EEF1AKMT1: variants seen among roughly 807,000 people sequenced by gnomAD.
EEF1AKMT1 encodes the protein N-6 adenine-specific DNA methyltransferase 2 (putative).
EEF1AKMT1 carries 18 observed loss-of-function variants against 21.0 expected under a neutral mutation model. The observed-to-expected ratio is 0.86, with a 90% CI of 0.59 to 1.27. The LOEUF (loss-of-function observed/expected upper bound fraction) is 1.27. EEF1AKMT1 is among the 50% of genes most tolerant of loss of function. The pLI is 0.00. For missense variants in EEF1AKMT1, 246 were observed against 258.6 expected, an observed-to-expected ratio of 0.95 and a Z score of 0.33; for synonymous variants, 109 against 94.8, an observed-to-expected ratio of 1.15 and a Z score of -0.87.
At chr13:20,744,283 T>C (rs1353451224) in intron 2 of EEF1AKMT1, among the ~76,000 whole-genome samples, 2 of 152,232 alleles carry the variant, frequency 1.3e-5, no homozygotes, top group East Asian at 3.8e-4. Context: ...ATGGTTGAAC[T>C]AATTTACACT....
At chr13:20,729,407 T>C (rs2058778713) in intron 4 of EEF1AKMT1, among the ~76,000 whole-genome samples, 191 bp from the exon 5 acceptor site, 1 of 152,064 alleles carries the variant, frequency 6.6e-6, no homozygotes, top group Non-Finnish European at 1.5e-5. Flanking sequence ...TTACCAACTT[T>C]TTTCCATGTC....
intron 2 of EEF1AKMT1, among the ~76,000 whole-genome samples, 155 bp from the exon 3 acceptor site, chr13:20,737,960 T>A (rs2141414975): frequency 6.6e-6 from 1 of 152,366 alleles, no homozygotes; most frequent in Middle Eastern, 3.4e-3. Flanking sequence ...AGTTTTTCTT[T>A]TGAAAATTAA....
intron 1 of EEF1AKMT1, among the ~76,000 whole-genome samples, chr13:20,760,123 A>AAAAAAAAAAAAAG (rs1555327133): frequency 1.6e-5 from 2 of 127,468 alleles, no homozygotes; most frequent in African/African-American, 6.0e-5. Context: ...AAAAAAAAAA[A>AAAAAAAAAAAAAG]AAGTCAAAAA....
intron 1 of EEF1AKMT1, among the ~76,000 whole-genome samples, chr13:20,764,000 TTC>T (rs1030150485): frequency 6.6e-6 from 1 of 152,190 alleles, no homozygotes; most frequent in Non-Finnish European, 1.5e-5. Context: ...AATTTCTGTT[TTC>T]TCTTTTTTCT....
chr13:20,741,722 G>T (rs1391054354), intron 2 of EEF1AKMT1, among the ~76,000 whole-genome samples: 1 of 151,978 alleles, frequency 6.6e-6, no homozygotes, highest in African/African-American at 2.4e-5. Flanking sequence ...CCAAAGTGCT[G>T]GGATTACAGG....
chr13:20,747,680 G>T (rs1046694630), intron 2 of EEF1AKMT1: 1 of 152,362 alleles, frequency 6.6e-6, no homozygotes, highest in African/African-American at 2.4e-5. Flanking sequence ...GGCCAGGCTG[G>T]TCTTAAACTC....
intron 4 of EEF1AKMT1, 114 bp from the exon 5 acceptor site, chr13:20,729,330 T>A: frequency 8.2e-7 from 1 of 1,217,548 alleles, no homozygotes; most frequent in Non-Finnish European, 1.2e-6. Context: ...AGTTGACAAT[T>A]CACAAGTGGG....
At chr13:20,766,119 G>A (rs2059030179) in intron 1 of EEF1AKMT1, among the ~76,000 whole-genome samples, 1 of 151,734 alleles carries the variant, frequency 6.6e-6, no homozygotes, top group Non-Finnish European at 1.5e-5. Context: ...CCAACATGGT[G>A]AAACCCCATC....
chr13:20,738,319 G>A (rs942699793), intron 2 of EEF1AKMT1, among the ~76,000 whole-genome samples: 13 of 152,186 alleles, frequency 8.5e-5, no homozygotes, highest in Non-Finnish European at 1.3e-4. Context: ...TCCCTTGGGG[G>A]CAAGTTTGTT....
rs149916049 is a variant in EEF1AKMT1 at position 20,744,399 on chromosome 13, G to A, written c.145-6594C>T. ...TCTAACTGGAGTGAGATGGTATCTC[G>A]TTGTGGTTTTGATTTGCATTTCTCT... On this transcript the variant is annotated intron_variant, in intron 2 of 4. Transcript: ENST00000382758. Among the ~76,000 whole-genome samples the A allele has an allele frequency of 3.0e-3, 452 of 152,206 alleles. 1 individual carries two copies. The highest frequency in any genetic ancestry group is 0.01 in the African/African-American group (436 of 41,532).
chr13:20,732,018 A>C lies in EEF1AKMT1; in HGVS notation c.331T>G (p.Tyr111Asp). 1 of 1,614,232 alleles carries C rather than the reference A, an allele frequency of 6.2e-7. No individual in the cohort carries two copies. The highest frequency in any genetic ancestry group is 1.7e-5 in the Admixed American group (1 of 60,028). The change falls in exon 4 of 5, where the codon TAT (tyrosine) becomes GAT (aspartate). Residue 111 changes from tyrosine (Y) to aspartate (D), a missense_variant. Transcript: ENST00000382758. ...IFEYDKRFAM[Y>D]GEEFIFYDYN... ...TCATAGAAAATAAACTCCTCTCCAT[A>C]CATGGCAAATCTTTTGTCATATTCA...
chr13:20,739,326 G>C (rs528636543), intron 2 of EEF1AKMT1, among the ~76,000 whole-genome samples: 59 of 152,296 alleles, frequency 3.9e-4, no homozygotes, highest in African/African-American at 1.3e-3. Flanking sequence ...ACCTTCCACA[G>C]CATGGAAGGC....
chr13:20,738,599 T>C (rs1013991652), intron 2 of EEF1AKMT1, among the ~76,000 whole-genome samples: 38 of 152,162 alleles, frequency 2.5e-4, no homozygotes, highest in African/African-American at 8.9e-4. Flanking sequence ...GCCCATCAAC[T>C]AATGGATAGA....
intron 1 of EEF1AKMT1, among the ~76,000 whole-genome samples, chr13:20,772,440 G>T (rs1396552837): frequency 1.3e-5 from 2 of 152,140 alleles, no homozygotes; most frequent in Non-Finnish European, 2.9e-5. Context: ...GGGTGCTACT[G>T]GCATCAGGTG....
At chr13:20,730,131 C>G (rs58281244) in intron 4 of EEF1AKMT1, among the ~76,000 whole-genome samples, 2 of 152,178 alleles carry the variant, frequency 1.3e-5, no homozygotes, top group African/African-American at 2.4e-5. Flanking sequence ...GTGCTTCCAG[C>G]CTTTAGTCTA....
In EEF1AKMT1 at chr13:20,757,550, A is replaced by C. The variant is rs779940917; in HGVS notation, c.49T>G (p.Leu17Val). The C allele has an allele frequency of 6.2e-7, 1 of 1,614,182 alleles. No individual in the cohort carries two copies. The change falls in exon 2 of 5, where the codon TTA becomes GTA. Residue 17 changes from leucine (L) to valine (V), a missense_variant. Physicochemically the swap from Leu to Val is conservative, Grantham distance 32. Coordinates refer to ENST00000382758, the MANE Select transcript of EEF1AKMT1 (RefSeq NM_001318939.2). ...DETPQLSAHA[L>V]AALQEFYAEQ... ...GCATAAAATTCCTGGAGAGCTGCTA[A>C]GGCATGGGCAGAAAGCTGGGGTGTC...
intron 1 of EEF1AKMT1, among the ~76,000 whole-genome samples, chr13:20,769,982 G>A (rs1408449875): frequency 6.6e-6 from 1 of 152,088 alleles, no homozygotes; most frequent in African/African-American, 2.4e-5. Context: ...AGGAGACTAA[G>A]TAGAAATTCT....
intron 2 of EEF1AKMT1, chr13:20,747,822 G>A (rs2058915684): frequency 6.1e-6 from 1 of 162,680 alleles, no homozygotes. Flanking sequence ...GGCATGCTGG[G>A]CTTGGATATA....
At chr13:20,766,912 T>C (rs1229412580) in intron 1 of EEF1AKMT1, among the ~76,000 whole-genome samples, 1 of 152,208 alleles carries the variant, frequency 6.6e-6, no homozygotes, top group Non-Finnish European at 1.5e-5. Context: ...GTGTTATTGT[T>C]GTCATACATT....
Sources: gnomAD v4.1 joint callset for allele counts (sites outside exome capture counted in the v4.1 genomes callset) on GRCh38, gnomAD v4.1.1 for gene constraint, MANE v1.5 for transcripts, NCBI Gene and HGNC (gene_info 2026-07-23, HGNC 2026-07-21) for gene names.